CNIH3: variants seen among roughly 807,000 people sequenced by gnomAD.
The protein encoded by CNIH3 is protein cornichon homolog 3.
In CNIH3, 14 loss-of-function variants were observed where a neutral mutation model predicts 24.1. That is an observed-to-expected ratio of 0.58 (90% CI 0.38 to 0.91). The LOEUF (loss-of-function observed/expected upper bound fraction) is 0.91. Among genes scored for constraint, CNIH3 ranks in the 40% least tolerant of loss-of-function variants. The pLI is 0.00. For missense variants in CNIH3, 178 were observed against 196.8 expected, an observed-to-expected ratio of 0.90 and a Z score of 0.57; for synonymous variants, 68 against 73.8, an observed-to-expected ratio of 0.92 and a Z score of 0.40.
Position 224,575,072 on chromosome 1 carries a change from C to T in CNIH3, n.517-8092C>T, listed in dbSNP as rs1221742931. The T allele has an allele frequency of 4.7e-5, 41 of 865,902 alleles. 1 individual carries two copies. Among genetic ancestry groups the T allele is most frequent in the Middle Eastern group, 3.2e-4 (1 of 3,094 alleles). The allele number at this position is 865,902 out of a possible 1,614,324, so 53.6% of individuals were successfully genotyped here. A position where few individuals can be genotyped will look rare whatever the true frequency, so the allele number is the denominator to read the frequency against. On this transcript the variant is annotated intron_variant and non_coding_transcript_variant, in intron 4 of 5. Transcript: ENST00000471578. ...AAGGCATCATGGTGACTGCCTACAG[C>T]TCCTTCAGCTCCCCCGACAGGCCCT...
chr1:224,732,666 G>A (rs548162228), intron 4 of CNIH3, among the ~76,000 whole-genome samples: 5 of 152,126 alleles, frequency 3.3e-5, no homozygotes, highest in Admixed American at 1.3e-4. Flanking sequence ...AAAGGAGTTC[G>A]TCCCAAGGTC....
At chr1:224,484,379 G>A (rs537623738) in intron 1 of CNIH3, among the ~76,000 whole-genome samples, 60 of 151,596 alleles carry the variant, frequency 4.0e-4, no homozygotes, top group Admixed American at 1.4e-3. Context: ...GCAGTGAGCC[G>A]AGATCACGCC....
intron 3 of CNIH3, among the ~76,000 whole-genome samples, chr1:224,723,036 G>A (rs1461415943): frequency 6.6e-6 from 1 of 152,210 alleles, no homozygotes; most frequent in African/African-American, 2.4e-5. Flanking sequence ...TACAGCTGGC[G>A]GTGAGGGCCC....
chr1:224,525,469 C>T (rs1678809722), intron 2 of CNIH3, among the ~76,000 whole-genome samples: 1 of 152,210 alleles, frequency 6.6e-6, no homozygotes, highest in South Asian at 2.1e-4. Context: ...AAGTGAAGAG[C>T]ATCAGACCTT....
At chr1:224,521,181 G>T (rs1052519103) in exon 2 of CNIH3, 4 of 152,172 alleles carry the variant, frequency 2.6e-5, no homozygotes, top group African/African-American at 9.7e-5. Context: ...TTATTGATCA[G>T]AGAGCGTTAT....
intron 1 of CNIH3, among the ~76,000 whole-genome samples, chr1:224,655,355 G>A (rs762986841): frequency 1.3e-5 from 2 of 152,174 alleles, no homozygotes; most frequent in African/African-American, 2.4e-5. Flanking sequence ...GCCAGATGGT[G>A]CATTCTTCAG....
downstream of CNIH3, among the ~76,000 whole-genome samples, chr1:224,542,021 A>G (rs772536547): frequency 6.6e-6 from 1 of 152,166 alleles, no homozygotes; most frequent in South Asian, 2.1e-4. Flanking sequence ...CACACGTTGA[A>G]ACTTTTCTGC....
chr1:224,501,456 C>A (rs867400294), intron 1 of CNIH3, among the ~76,000 whole-genome samples: 1 of 150,566 alleles, frequency 6.6e-6, no homozygotes, highest in Non-Finnish European at 1.5e-5. Flanking sequence ...GTGATATAAG[C>A]GAATTGCCCA....
intron 4 of CNIH3, among the ~76,000 whole-genome samples, chr1:224,581,608 G>A (rs1681276595): frequency 6.6e-6 from 1 of 152,168 alleles, no homozygotes; most frequent in African/African-American, 2.4e-5. Flanking sequence ...TTTAAGAGAA[G>A]TAAATTGTGC....
In CNIH3 at chr1:224,740,479, T is replaced by C. The variant is rs1274863944; in HGVS notation, c.*1123T>C. 6.6e-6 allele frequency: 1 copy of C among 152,226 alleles called. No homozygotes were observed. Among genetic ancestry groups the C allele is most frequent in the Admixed American group, 6.5e-5 (1 of 15,288 alleles). The allele number at this position is 152,226 out of a possible 1,614,324, so 9.4% of individuals were successfully genotyped here. A position where few individuals can be genotyped will look rare whatever the true frequency, so the allele number is the denominator to read the frequency against. On this transcript the variant is annotated 3_prime_UTR_variant, in exon 6 of 6. Coordinates refer to ENST00000272133, the MANE Select transcript of CNIH3 (RefSeq NM_152495.2). ...GTCCCCAGCTCCCATCTGAAACCTG[T>C]GACTCAGGTTTATGAATGGTGTTTG...
At chr1:224,613,199 T>C (rs1002131), upstream of CNIH3, among the ~76,000 whole-genome samples, 16,376 of 152,072 alleles carry the variant, frequency 0.11, 980 homozygotes, top group South Asian at 0.24. Context: ...CGGGTCTTAA[T>C]TATGTTGCCC....
chr1:224,461,887 G>A (rs1363119020), intron 1 of CNIH3, among the ~76,000 whole-genome samples: 1 of 152,054 alleles, frequency 6.6e-6, no homozygotes, highest in Non-Finnish European at 1.5e-5. Context: ...TATATAAATG[G>A]AGTCATACAG....
chr1:224,547,000 T>TG lies in CNIH3; in HGVS notation n.450+63dup, dbSNP rs1196031642. 1.3e-5 allele frequency: 9 copies of TG among 700,692 alleles called. No individual in the cohort carries two copies. The Admixed American group carries it at 3.8e-4, about 29-fold the overall frequency. The allele number at this position is 700,692 out of a possible 1,614,324, so 43.4% of individuals were successfully genotyped here. On this transcript the variant is annotated intron_variant and non_coding_transcript_variant, in intron 3 of 5. Coordinates refer to the CNIH3 transcript ENST00000471578. ...GGACTTTTGAAGTAGTAATTGGTAG[T>TG]GGTAAGATGGGTGAGTGAGTACCTA...
At chr1:224,615,914 C>G (rs1309675362), upstream of CNIH3, among the ~76,000 whole-genome samples, 2 of 152,232 alleles carry the variant, frequency 1.3e-5, no homozygotes, top group East Asian at 3.8e-4. Flanking sequence ...GGCAACGCCC[C>G]AAGTCCCCAC....
chr1:224,716,590 A>G (rs1688442237), intron 3 of CNIH3, among the ~76,000 whole-genome samples: 1 of 152,148 alleles, frequency 6.6e-6, no homozygotes, highest in Non-Finnish European at 1.5e-5. Context: ...GATTAGCAGC[A>G]GGAATGGAAA....
intron 1 of CNIH3, among the ~76,000 whole-genome samples, chr1:224,509,266 G>A (rs975953507): frequency 2.8e-4 from 42 of 152,216 alleles, no homozygotes; most frequent in African/African-American, 1.0e-3. Flanking sequence ...GAGGTTTGCA[G>A]TGAGCTGAGA....
chr1:224,699,296 G>C (rs961541114), intron 3 of CNIH3, among the ~76,000 whole-genome samples: 1 of 152,194 alleles, frequency 6.6e-6, no homozygotes, highest in African/African-American at 2.4e-5. Context: ...CAAAGGCATT[G>C]TTTCAACCTC....
intron 1 of CNIH3, among the ~76,000 whole-genome samples, chr1:224,623,314 C>G (rs1335485823): frequency 6.6e-6 from 1 of 152,196 alleles, no homozygotes; most frequent in Non-Finnish European, 1.5e-5. Context: ...GCTCCTGCTG[C>G]TGCTCTCCAC....
chr1:224,569,478 C>A (rs1051507558), intron 4 of CNIH3, among the ~76,000 whole-genome samples: 8 of 152,176 alleles, frequency 5.3e-5, no homozygotes, highest in Admixed American at 1.3e-4. Flanking sequence ...CTAGACAAGA[C>A]TTTTTCGATC....
Sources: gnomAD v4.1 joint callset for allele counts (sites outside exome capture counted in the v4.1 genomes callset) on GRCh38, gnomAD v4.1.1 for gene constraint, MANE v1.5 for transcripts, NCBI Gene and HGNC (gene_info 2026-07-23, HGNC 2026-07-21) for gene names.